Variants in CYFIP2 observed in about 807,000 individuals in gnomAD.
CYFIP2 encodes the protein cytoplasmic FMR1 interacting protein 2, also known as cytoplasmic FMR1-interacting protein 2.
A neutral mutation model predicts 158.7 loss-of-function variants in CYFIP2; 29 were observed. That is an observed-to-expected ratio of 0.18 (90% CI 0.14 to 0.25). CYFIP2 has a LOEUF of 0.25. Ranked by LOEUF, CYFIP2 falls within the 10% of genes least tolerant of loss-of-function variation. CYFIP2 has a pLI of 1.00. For missense variants in CYFIP2, 852 were observed against 1,639.5 expected (o/e 0.52, Z 8.29); for synonymous variants, 585 against 617.6 (o/e 0.95, Z 0.78).
At chr5:157,269,177 G>A (rs1755869805) in intron 1 of CYFIP2, among the ~76,000 whole-genome samples, 1 of 151,960 alleles carries the variant, frequency 6.6e-6, no homozygotes, top group Non-Finnish European at 1.5e-5. Flanking sequence ...AAGTTTACCG[G>A]CCGAAGGAAG....
chr5:157,366,361 T>G (rs1157246217), intron 26 of CYFIP2, among the ~76,000 whole-genome samples: 1 of 152,236 alleles, frequency 6.6e-6, no homozygotes, highest in Non-Finnish European at 1.5e-5. Context: ...TTTTGGTGAA[T>G]AGAAGTTCTT....
chr5:157,353,163 C>T lies in CYFIP2; in HGVS notation c.2674-5842C>T, dbSNP rs1209594575. On this transcript the variant is annotated intron_variant, in intron 23 of 30. Transcript: ENST00000620254. Reference sequence around the variant, plus strand: ...TAATTGTTAGAGCAGCCACAGAAAACAATGTGGGCGGCTGTGACGGAATTC... The same window carrying T: ...TAATTGTTAGAGCAGCCACAGAAAATAATGTGGGCGGCTGTGACGGAATTC... 2.0e-5 allele frequency among the ~76,000 whole-genome samples: 3 copies of T among 152,216 alleles called. No individual in the cohort carries two copies. The East Asian group carries it at 5.8e-4, about 29-fold the overall frequency.
intron 23 of CYFIP2, among the ~76,000 whole-genome samples, chr5:157,356,198 G>C (rs1763395456): frequency 6.6e-6 from 1 of 152,064 alleles, no homozygotes; most frequent in African/African-American, 2.4e-5. Context: ...TGTTTGGTGA[G>C]GGCCCACTTC....
At chr5:157,272,738 G>A (rs1403412600) in intron 1 of CYFIP2, among the ~76,000 whole-genome samples, 1 of 152,134 alleles carries the variant, frequency 6.6e-6, no homozygotes, top group East Asian at 1.9e-4. Flanking sequence ...GGTTTAAAGT[G>A]TCTACATTAT....
chr5:157,351,909 A>G lies in CYFIP2; in HGVS notation c.2674-7096A>G, dbSNP rs568196274. Among the ~76,000 whole-genome samples, 298 of 152,300 alleles carry G rather than the reference A, an allele frequency of 2.0e-3. 7 individuals carry two copies. The highest frequency in any genetic ancestry group is 0.018 in the Admixed American group (275 of 15,298). On this transcript the variant is annotated intron_variant, in intron 23 of 30. Coordinates refer to ENST00000620254, the MANE Select transcript of CYFIP2 (RefSeq NM_001037333.3). ...TCAGGGAAGACATCAACTCATTTGG[A>G]GAAATATGACCAGCAAGTGTTTCCT... is the stretch of plus-strand genomic sequence containing the variant.
intron 15 of CYFIP2, 57 bp from the exon 16 acceptor site, chr5:157,323,864 T>C: frequency 6.9e-7 from 1 of 1,448,976 alleles, no homozygotes; most frequent in Non-Finnish European, 9.1e-7. Flanking sequence ...GAAGCAACCT[T>C]TTTCCCCGGG....
intron 1 of CYFIP2, among the ~76,000 whole-genome samples, chr5:157,267,676 G>T (rs1434123676): frequency 6.6e-6 from 1 of 152,258 alleles, no homozygotes; most frequent in Non-Finnish European, 1.5e-5. Context: ...TGCAGAGCAG[G>T]TGCTTTACAA....
At chr5:157,360,980 C>T (rs1469361010) in intron 25 of CYFIP2, among the ~76,000 whole-genome samples, 1 of 152,208 alleles carries the variant, frequency 6.6e-6, no homozygotes, top group Non-Finnish European at 1.5e-5. Flanking sequence ...GGTGTTCAGT[C>T]CCAGCTGCCC....
In CYFIP2 at chr5:157,393,127, A is replaced by G. The variant is rs1767470189; in HGVS notation, c.*127A>G. 5 of 1,048,130 alleles carry G rather than the reference A, an allele frequency of 4.8e-6. No individual in the cohort carries two copies. Among genetic ancestry groups the G allele is most frequent in the South Asian group, 3.3e-5 (2 of 61,064 alleles). The allele number at this position is 1,048,130 out of a possible 1,614,324, so 64.9% of individuals were successfully genotyped here. On this transcript the variant is annotated 3_prime_UTR_variant, in exon 31 of 31. Coordinates refer to ENST00000620254, the MANE Select transcript of CYFIP2 (RefSeq NM_001037333.3). ...GGACCTGGAAACAAGCACCTCCCCA[A>G]ACACATCACCACTCCCTAGGGCGGG... is the stretch of plus-strand genomic sequence containing the variant.
At chr5:157,289,335 A>G (rs1184394554) in intron 3 of CYFIP2, among the ~76,000 whole-genome samples, 2 of 152,228 alleles carry the variant, frequency 1.3e-5, no homozygotes, top group African/African-American at 4.8e-5. Context: ...GCATATAGGG[A>G]TATTGTTTAC....
intron 7 of CYFIP2, 43 bp downstream of exon 7, chr5:157,302,933 GT>G: frequency 6.7e-7 from 1 of 1,501,024 alleles, no homozygotes; most frequent in Non-Finnish European, 9.0e-7. Context: ...ATGTCTCGGG[GT>G]TATAGGCAGG....
chr5:157,298,148 T>C (rs1758404602), intron 5 of CYFIP2, among the ~76,000 whole-genome samples: 1 of 152,208 alleles, frequency 6.6e-6, no homozygotes, highest in African/African-American at 2.4e-5. Flanking sequence ...TCTTTCTTGC[T>C]CTTTCTGGGT....
chr5:157,351,548 C>A (rs1763073339), intron 23 of CYFIP2, among the ~76,000 whole-genome samples: 1 of 152,184 alleles, frequency 6.6e-6, no homozygotes, highest in South Asian at 2.1e-4. Flanking sequence ...TTGAGATCGG[C>A]CTTCTTATCA....
intron 9 of CYFIP2, among the ~76,000 whole-genome samples, chr5:157,308,744 AC>A (rs1464707123): frequency 2.0e-5 from 3 of 152,154 alleles, no homozygotes; most frequent in Non-Finnish European, 4.4e-5. Context: ...TGGAACTTTT[AC>A]TTTTCTCTAG....
intron 26 of CYFIP2, among the ~76,000 whole-genome samples, chr5:157,373,565 T>A (rs1011537935): frequency 6.6e-6 from 1 of 152,222 alleles, no homozygotes; most frequent in Non-Finnish European, 1.5e-5. Context: ...TATTCATTTA[T>A]CAAATAATTT....
At chr5:157,350,933 C>T (rs959752086) in intron 23 of CYFIP2, among the ~76,000 whole-genome samples, 2 of 152,046 alleles carry the variant, frequency 1.3e-5, no homozygotes, top group Admixed American at 1.3e-4. Flanking sequence ...TCAGCTTGGT[C>T]GGTGTTGGTG....
At chr5:157,314,530 C>A (rs147656386) in intron 12 of CYFIP2, 67 bp downstream of exon 12, 2 of 1,554,800 alleles carry the variant, frequency 1.3e-6, no homozygotes, top group Non-Finnish European at 1.7e-6. Flanking sequence ...TCCATCTCCC[C>A]CTAGCACTCT....
At chr5:157,316,744 C>G (rs1760177585) in intron 13 of CYFIP2, among the ~76,000 whole-genome samples, 1 of 152,166 alleles carries the variant, frequency 6.6e-6, no homozygotes, top group Non-Finnish European at 1.5e-5. Flanking sequence ...CCTGCCCCAT[C>G]CCAGGGTTAT....
chr5:157,268,161 C>T (rs1650883024), intron 1 of CYFIP2, among the ~76,000 whole-genome samples: 1 of 152,264 alleles, frequency 6.6e-6, no homozygotes, highest in African/African-American at 2.4e-5. Context: ...CGCACTGAGC[C>T]TCTGGCTGGG....
Sources: gnomAD v4.1 joint callset for allele counts (sites outside exome capture counted in the v4.1 genomes callset) on GRCh38, gnomAD v4.1.1 for gene constraint, MANE v1.5 for transcripts, NCBI Gene and HGNC (gene_info 2026-07-23, HGNC 2026-07-21) for gene names.